Variants in KLF12 observed in about 807,000 individuals in gnomAD.
The protein encoded by KLF12 is KLF transcription factor 12, also known as Krueppel-like factor 12.
Under a neutral mutation model 37.8 loss-of-function variants are expected in KLF12, and 9 were observed. That is an observed-to-expected ratio of 0.24 (90% CI 0.14 to 0.42). The LOEUF is 0.42. Ranked by LOEUF, KLF12 falls within the 10% of genes least tolerant of loss-of-function variation. The pLI is 1.00. For synonymous variants in KLF12, 208 were observed against 202.1 expected (o/e 1.03, Z -0.25); for missense variants, 411 against 516.0 (o/e 0.80, Z 1.97).
At chr13:74,001,018 T>C (rs185844461) in intron 1 of KLF12, among the ~76,000 whole-genome samples, 42 of 152,318 alleles carry the variant, frequency 2.8e-4, no homozygotes, top group African/African-American at 9.9e-4. Context: ...ATTTATGTGA[T>C]TTAAATTGTA....
At chr13:73,776,110 CTA>C (rs1013695601) in intron 5 of KLF12, among the ~76,000 whole-genome samples, 17 of 152,076 alleles carry the variant, frequency 1.1e-4, no homozygotes, top group Non-Finnish European at 1.8e-4. Flanking sequence ...TTAAATGTGA[CTA>C]TTATTATTAT....
chr13:73,751,868 G>C (rs2137975678), intron 6 of KLF12, among the ~76,000 whole-genome samples: 2 of 152,300 alleles, frequency 1.3e-5, no homozygotes, highest in South Asian at 4.1e-4. Flanking sequence ...ATGGGCTGCT[G>C]ACAGCATGTG....
chr13:74,187,339 A>G, the KLF12 span, among the ~76,000 whole-genome samples: 12 of 151,938 alleles, frequency 7.9e-5, no homozygotes, highest in East Asian at 1.9e-4. Flanking sequence ...AAAAAAAAAA[A>G]AGAGAAAAAA....
At chr13:74,055,503 T>G (rs999064015) in intron 1 of KLF12, among the ~76,000 whole-genome samples, 1 of 152,212 alleles carries the variant, frequency 6.6e-6, no homozygotes, top group Non-Finnish European at 1.5e-5. Flanking sequence ...TCTGATCTCG[T>G]ATCACACTGT....
At chr13:73,837,102 G>A (rs929077019) in intron 4 of KLF12, among the ~76,000 whole-genome samples, 5 of 152,016 alleles carry the variant, frequency 3.3e-5, no homozygotes, top group African/African-American at 1.2e-4. Context: ...AAAATGATCC[G>A]TCCTGGGTAT....
At chr13:74,029,181 T>C (rs747845408) in intron 1 of KLF12, among the ~76,000 whole-genome samples, 9 of 152,110 alleles carry the variant, frequency 5.9e-5, no homozygotes, top group Non-Finnish European at 1.2e-4. Flanking sequence ...CGATCCTCTA[T>C]TGCCTACCAT....
chr13:73,985,901 G>A (rs1393859508), intron 2 of KLF12, among the ~76,000 whole-genome samples: 2 of 152,168 alleles, frequency 1.3e-5, no homozygotes, highest in Non-Finnish European at 2.9e-5. Context: ...AGAGGCAACA[G>A]CCCTAGCCTA....
intron 4 of KLF12, among the ~76,000 whole-genome samples, chr13:73,836,159 C>T (rs558436760): frequency 1.3e-5 from 2 of 152,188 alleles, no homozygotes; most frequent in South Asian, 4.2e-4. Context: ...GTGATTATCA[C>T]CCAGTAAATT....
At chr13:74,012,478 C>G (rs549769732) in intron 1 of KLF12, among the ~76,000 whole-genome samples, 1 of 152,278 alleles carries the variant, frequency 6.6e-6, no homozygotes, top group Middle Eastern at 3.4e-3. Context: ...TATTTTATAT[C>G]ACATCCCTGC....
In KLF12 at chr13:73,812,543, C is replaced by CA. The variant is rs144177077; in HGVS notation, c.806+608dup. 4.2e-4 allele frequency among the ~76,000 whole-genome samples: 61 copies of CA among 145,684 alleles called. No individual in the cohort carries two copies. The East Asian group carries it at 6.3e-3, about 15-fold the overall frequency. On this transcript the variant is annotated intron_variant, in intron 5 of 7. Transcript: ENST00000377669. ...CAATAAAGCTGAAAAAATTATTCTA[C>CA]AAAAAAAAACATGGATTTTTTTTTT...
chr13:74,277,781 C>T, the KLF12 span, among the ~76,000 whole-genome samples: 1 of 152,086 alleles, frequency 6.6e-6, no homozygotes, highest in Non-Finnish European at 1.5e-5. Flanking sequence ...TGTCCTGTCC[C>T]ATGGGATGTC....
At chr13:73,945,181 C>G (rs1890364205) in intron 2 of KLF12, among the ~76,000 whole-genome samples, 1 of 152,096 alleles carries the variant, frequency 6.6e-6, no homozygotes, top group African/African-American at 2.4e-5. Flanking sequence ...TAAATAAGAA[C>G]AACTGGGCCA....
intron 1 of KLF12, among the ~76,000 whole-genome samples, chr13:74,011,570 T>C (rs185093166): frequency 9.7e-4 from 148 of 152,288 alleles, no homozygotes; most frequent in Non-Finnish European, 1.3e-3. Flanking sequence ...ATCAAAAATA[T>C]TCAAGAAAAA....
intron 1 of KLF12, among the ~76,000 whole-genome samples, chr13:74,095,044 T>C (rs979435255): frequency 5.3e-5 from 8 of 152,246 alleles, no homozygotes; most frequent in African/African-American, 1.7e-4. Flanking sequence ...ATAGTTAATG[T>C]GTTTCAATTT....
At chr13:73,806,649 CAAAAAAAA>C (rs11482328) in intron 5 of KLF12, among the ~76,000 whole-genome samples, 2 of 108,320 alleles carry the variant, frequency 1.8e-5, no homozygotes, top group African/African-American at 7.3e-5. Flanking sequence ...AAAAAACAAA[CAAAAAAAA>C]AAAAAAAGAA....
chr13:73,989,732 C>G (rs1028621463), intron 2 of KLF12, among the ~76,000 whole-genome samples: 1 of 152,028 alleles, frequency 6.6e-6, no homozygotes, highest in Non-Finnish European at 1.5e-5. Context: ...TAAAGATAAG[C>G]GATACTCAGG....
chr13:73,970,353 G>A (rs1207733543), intron 2 of KLF12, among the ~76,000 whole-genome samples: 1 of 150,338 alleles, frequency 6.7e-6, no homozygotes, highest in African/African-American at 2.5e-5. Flanking sequence ...AAGAACTGGT[G>A]CTGGTTTTTT....
At chr13:74,108,718 T>G (rs1036991980) in intron 1 of KLF12, among the ~76,000 whole-genome samples, 2 of 152,158 alleles carry the variant, frequency 1.3e-5, no homozygotes, top group Non-Finnish European at 2.9e-5. Flanking sequence ...GAAAAGTTAT[T>G]TAAAAAATCG....
chr13:73,766,507 A>C (rs181729986), intron 5 of KLF12, among the ~76,000 whole-genome samples: 1 of 152,236 alleles, frequency 6.6e-6, no homozygotes, highest in Admixed American at 6.5e-5. Context: ...ACAATCCTTA[A>C]AATGGATATT....
Sources: allele counts gnomAD v4.1 joint callset (sites outside exome capture counted in the v4.1 genomes callset), GRCh38; gene constraint gnomAD v4.1.1; transcripts MANE v1.5; gene names NCBI Gene and HGNC (gene_info 2026-07-23, HGNC 2026-07-21).